Variants in NOD2 observed in about 807,000 individuals in gnomAD.
The protein encoded by NOD2 is nucleotide-binding oligomerization domain-containing protein 2.
NOD2 carries 86 observed loss-of-function variants against 90.9 expected under a neutral mutation model. The ratio of observed to expected loss-of-function variants is 0.95; its 90% CI spans 0.79 to 1.13. The LOEUF is 1.13. Ranked by LOEUF, NOD2 falls within the 50% of genes most tolerant of loss-of-function variation. The pLI is 0.00. For missense variants in NOD2, 1,238 were observed against 1,283.8 expected, an observed-to-expected ratio of 0.96 and a Z score of 0.55; for synonymous variants, 581 against 554.6, an observed-to-expected ratio of 1.05 and a Z score of -0.67.
intron 11 of NOD2, among the ~76,000 whole-genome samples, chr16:50,731,273 G>A (rs990176336): frequency 6.6e-6 from 1 of 152,180 alleles, no homozygotes; most frequent in Non-Finnish European, 1.5e-5. Flanking sequence ...ATCAGGTTCT[G>A]GGCAAAGTGT....
chr16:50,719,959 C>T lies in NOD2; in HGVS notation c.2584C>T (p.Gln862Ter). Reference protein sequence around the residue: ...GNNYITAAGAQVLAEGLRGNT... With the variant: ...GNNYITAAGA ...TAACTACATCACTGCCGCGGGAGCC[C>T]AAGTGCTGGCCGAGGGGCTCCGAGG... is the stretch of plus-strand genomic sequence containing the variant. Residue 862 changes from glutamine (Q) to a stop codon, truncating the protein, a stop_gained, in exon 7 of 12, where the codon CAA (glutamine) becomes TAA (stop). Coordinates refer to ENST00000647318, the MANE Select transcript of NOD2 (RefSeq NM_001370466.1). LOFTEE classifies it high-confidence loss of function. 1 of 1,614,218 alleles carries T rather than the reference C, an allele frequency of 6.2e-7. No individual in the cohort carries two copies.
intron 9 of NOD2, among the ~76,000 whole-genome samples, chr16:50,724,694 G>A (rs999106972): frequency 6.6e-6 from 1 of 152,228 alleles, no homozygotes; most frequent in Non-Finnish European, 1.5e-5. Flanking sequence ...TTGTTAGGTT[G>A]CAGTTTGCTA....
intron 2 of NOD2, among the ~76,000 whole-genome samples, chr16:50,704,021 TG>T: frequency 6.6e-6 from 1 of 152,336 alleles, no homozygotes; most frequent in Non-Finnish European, 1.5e-5. Context: ...TAAACACTCC[TG>T]TGGAGTGAAA....
At chr16:50,729,777 C>T in intron 10 of NOD2, 41 bp from the exon 11 acceptor site, 2 of 1,566,634 alleles carry the variant, frequency 1.3e-6, no homozygotes, top group South Asian at 1.1e-5. Flanking sequence ...AAGAGGAAAA[C>T]CAAGAATCCT....
intron 11 of NOD2, among the ~76,000 whole-genome samples, chr16:50,730,334 A>G (rs1420834125): frequency 6.6e-6 from 1 of 152,210 alleles, no homozygotes; most frequent in Admixed American, 6.5e-5. Context: ...AATTAAAGCC[A>G]TAGACTTTCA....
chr16:50,716,616 G>T lies in NOD2; in HGVS notation c.2411G>T (p.Gly804Val), dbSNP rs1166816311. 1 of 1,614,176 alleles carries T rather than the reference G, an allele frequency of 6.2e-7. No individual in the cohort carries two copies. The change falls in exon 5 of 12, where the codon GGC becomes GTC. Residue 804 changes from glycine (G) to valine (V), a missense_variant. Around this residue, in one of 3 missense-constraint regions of NOD2, gnomAD observed 667 missense variants for 688.7 expected, o/e 0.97. Coordinates refer to ENST00000647318, the MANE Select transcript of NOD2 (RefSeq NM_001370466.1). The stretch of plus-strand genomic sequence containing the variant: ...CGCGATAACAATATCTCAGACCGAG[G>T]CATCTGCAAGCTCATTGAATGTGCT... ...YLRDNNISDR[G>V]ICKLIECALH...
chr16:50,694,964 A>G (rs1347223627), intron 1 of NOD2, among the ~76,000 whole-genome samples: 1 of 152,138 alleles, frequency 6.6e-6, no homozygotes, highest in African/African-American at 2.4e-5. Flanking sequence ...CAACCAGGGA[A>G]GGCTTCCCCA....
chr16:50,730,753 G>A (rs1965425481), intron 11 of NOD2, among the ~76,000 whole-genome samples: 1 of 152,206 alleles, frequency 6.6e-6, no homozygotes, highest in Admixed American at 6.5e-5. Context: ...CTGGCTGACT[G>A]CAGATCCACC....
At chr16:50,705,229 A>C (rs74017778) in intron 2 of NOD2, among the ~76,000 whole-genome samples, 153 of 152,128 alleles carry the variant, frequency 1.0e-3, no homozygotes, top group African/African-American at 3.6e-3. Context: ...GTAGTATCTT[A>C]CTCTTGTTTT....
intron 2 of NOD2, among the ~76,000 whole-genome samples, chr16:50,707,312 C>A (rs1324940700): frequency 6.6e-6 from 1 of 152,120 alleles, no homozygotes; most frequent in African/African-American, 2.4e-5. Flanking sequence ...TTAATATTAG[C>A]CAAGATGAGG....
Position 50,712,364 on chromosome 16 carries a change from A to G in NOD2, c.2372A>G (p.Lys791Arg). ...EQLLPCLGVC[K>R]ALYLRDNNIS... is the part of the protein sequence containing the mutation. Reference sequence around the variant, plus strand: ...CTGCTGCCTTGCCTTGGTGTCTGCAAGGCTCTGTAGTGAGTGTTACTGGGC... The same window carrying G: ...CTGCTGCCTTGCCTTGGTGTCTGCAGGGCTCTGTAGTGAGTGTTACTGGGC... Residue 791 changes from lysine to arginine, a missense_variant, in exon 4 of 12, where the codon AAG becomes AGG. Physicochemically the swap from Lys to Arg is conservative, Grantham distance 26 (BLOSUM62 2). Transcript: ENST00000647318. 1 of 1,613,834 alleles carries G rather than the reference A, an allele frequency of 6.2e-7. No homozygotes were observed. The highest frequency in any genetic ancestry group is 8.5e-7 in the Non-Finnish European group (1 of 1,180,044).
At chr16:50,731,180 TAA>T (rs1965440649) in intron 11 of NOD2, among the ~76,000 whole-genome samples, 1 of 152,116 alleles carries the variant, frequency 6.6e-6, no homozygotes. Context: ...ATAAAAAATT[TAA>T]AAGTGACTTC....
chr16:50,698,363 G>A (rs1299193093), intron 1 of NOD2, among the ~76,000 whole-genome samples: 2 of 152,210 alleles, frequency 1.3e-5, no homozygotes, highest in African/African-American at 4.8e-5. Flanking sequence ...TCGAGGGCGT[G>A]GGAGGGAGGT....
Position 50,719,950 on chromosome 16 carries a change from G to A in NOD2, c.2575G>A (p.Ala859Thr), listed in dbSNP as rs376366287. 11 of 1,614,148 alleles carry A rather than the reference G, an allele frequency of 6.8e-6. No homozygotes were observed. Among genetic ancestry groups the A allele is most frequent in the Non-Finnish European group, 6.8e-6 (8 of 1,180,006 alleles). The change falls in exon 7 of 12, where the codon GCG becomes ACG. Residue 859 changes from alanine to threonine, a missense_variant. Transcript: ENST00000647318. ...LRLGNNYITA[A>T]GAQVLAEGLR... ...GCTGGGGAATAACTACATCACTGCCGCGGGAGCCCAAGTGCTGGCCGAGGG... is the reference window on the plus strand; with the variant it reads ...GCTGGGGAATAACTACATCACTGCCACGGGAGCCCAAGTGCTGGCCGAGGG...
Position 50,710,546 on chromosome 16 carries a change from T to C in NOD2, c.566-12T>C. The C allele has an allele frequency of 6.2e-7, 1 of 1,614,166 alleles. No homozygotes were observed. Among genetic ancestry groups the C allele is most frequent in the Non-Finnish European group, 8.5e-7 (1 of 1,180,042 alleles). ...GGTGCCACCTTCATCTGCCTCTTCT[T>C]CTGCCTTCCAGCTGCCACATGCAAG... On this transcript the variant is annotated splice_polypyrimidine_tract_variant and intron_variant, in intron 3 of 11. Coordinates refer to ENST00000647318, the MANE Select transcript of NOD2 (RefSeq NM_001370466.1).
Position 50,710,636 on chromosome 16 carries a change from G to A in NOD2, c.644G>A (p.Gly215Glu), listed in dbSNP as rs762225932. The change falls in exon 4 of 12, where the codon GGA becomes GAA. Residue 215 changes from glycine (G) to glutamate (E), a missense_variant. Gly to Glu is a moderately conservative substitution (Grantham distance 98, BLOSUM62 -2). Around this residue, in one of 3 missense-constraint regions of NOD2, gnomAD observed 567 missense variants for 577.3 expected, o/e 0.98. Coordinates refer to ENST00000647318, the MANE Select transcript of NOD2 (RefSeq NM_001370466.1). The part of the protein sequence containing the change: ...AQSRFLSTYD[G>E]AETLCLEDIY... Reference sequence around the variant, plus strand: ...TCTCGCTTCCTCAGTACCTATGATGGAGCAGAGACGCTCTGCCTGGAGGAC... The same window carrying A: ...TCTCGCTTCCTCAGTACCTATGATGAAGCAGAGACGCTCTGCCTGGAGGAC... The A allele has an allele frequency of 4.3e-6, 7 of 1,614,186 alleles. No individual in the cohort carries two copies. The highest frequency in any genetic ancestry group is 5.9e-6 in the Non-Finnish European group (7 of 1,180,030).
rs1294159751 is a variant in NOD2, at chr16:50,722,724, C to T, written c.2717+19C>T. ...GGCTCAGGTAAGCTTCAGAGTCTAT[C>T]CTGCAGTTTTCTTGGGGAGATCAGG... On this transcript the variant is annotated intron_variant, in intron 8 of 11. Transcript: ENST00000647318. 1 of 1,612,202 alleles carries T rather than the reference C, an allele frequency of 6.2e-7. No individual in the cohort carries two copies.
rs774089880 is a variant in NOD2 at position 50,707,878 on chromosome 16, C to G, written c.483C>G (p.Ala161=). Reference sequence around the variant, plus strand: ...AGGCAAGAAGGCTGCTTGATCTTGCCACGGTGAAAGCGAATGGATTGGCTG... The same window carrying G: ...AGGCAAGAAGGCTGCTTGATCTTGCGACGGTGAAAGCGAATGGATTGGCTG... ...SQRARRLLDL[A]TVKANGLAAF... Residue 161 remains alanine, a synonymous_variant, in exon 3 of 12, where the codon GCC becomes GCG. Transcript: ENST00000647318. 1.2e-6 allele frequency: 2 copies of G among 1,614,000 alleles called. No homozygotes were observed. Among genetic ancestry groups the G allele is most frequent in the Non-Finnish European group, 1.7e-6 (2 of 1,179,882 alleles).
chr16:50,719,630 T>TCGCTGTCC (rs1365663540), intron 6 of NOD2: 1 of 529,450 alleles, frequency 1.9e-6, no homozygotes, highest in African/African-American at 1.9e-5. Flanking sequence ...TGAGTCACCC[T>TCGCTGTCC]CGCTGTCCCG....
Sources: allele counts gnomAD v4.1 joint callset (sites outside exome capture counted in the v4.1 genomes callset), GRCh38; gene constraint gnomAD v4.1.1; regional missense constraint gnomAD v4.1.1; transcripts MANE v1.5; gene names NCBI Gene and HGNC (gene_info 2026-07-23, HGNC 2026-07-21).